Variants in GABRG1 observed in about 807,000 individuals in gnomAD.
GABRG1 encodes gamma-aminobutyric acid type A receptor subunit gamma1, also known as gamma-aminobutyric acid receptor subunit gamma-1.
A neutral mutation model predicts 49.8 loss-of-function variants in GABRG1; 49 were observed. The observed-to-expected ratio is 0.98, with a 90% CI of 0.78 to 1.25. GABRG1 has a LOEUF of 1.25. Among genes scored for constraint, GABRG1 ranks in the 50% most tolerant of loss-of-function variants. The pLI is 0.00. For synonymous variants in GABRG1, 232 were observed against 185.1 expected (o/e 1.25, Z -2.06); for missense variants, 552 against 552.3 (o/e 1.00, Z 0.01).
chr4:46,071,155 A>T (rs1719103878), intron 3 of GABRG1, among the ~76,000 whole-genome samples: 1 of 152,026 alleles, frequency 6.6e-6, no homozygotes, highest in African/African-American at 2.4e-5. Context: ...CCAGTTGTTT[A>T]AAAGTATAAT....
Position 46,079,119 on chromosome 4 carries a change from G to A in GABRG1, c.321+4867C>T, listed in dbSNP as rs1719469027. ...GAAAGCAATTCGATTTTCGTTTTCT[G>A]TTAAAAAAGATTCTGAAAATGGGCA... On this transcript the variant is annotated intron_variant, in intron 3 of 8. Coordinates refer to ENST00000295452, the MANE Select transcript of GABRG1 (RefSeq NM_173536.4). 2.0e-5 allele frequency among the ~76,000 whole-genome samples: 3 copies of A among 146,906 alleles called. No individual in the cohort carries two copies. In the Admixed American group the frequency reaches 2.0e-4, roughly 10 times the overall value.
intron 3 of GABRG1, among the ~76,000 whole-genome samples, chr4:46,073,548 T>G (rs1392304806): frequency 6.6e-6 from 1 of 152,040 alleles, no homozygotes; most frequent in Non-Finnish European, 1.5e-5. Flanking sequence ...CTGTGGGTTA[T>G]TTGGATGAAT....
At position 46,091,043 on chromosome 4, in the gene GABRG1, C is replaced by T. The variant is rs115471662; in HGVS notation, c.253+6158G>A. On this transcript the variant is annotated intron_variant, in intron 2 of 8. Coordinates refer to ENST00000295452, the MANE Select transcript of GABRG1 (RefSeq NM_173536.4). ...ATGGGATTTCCCCTCAAGGCATTTG[C>T]TGTTTCCTAAATTGTACGTATGTGA... Among the ~76,000 whole-genome samples, 261 of 151,476 alleles carry T rather than the reference C, an allele frequency of 1.7e-3. 1 individual carries two copies. The highest frequency in any genetic ancestry group is 6.2e-3 in the African/African-American group (255 of 41,316).
chr4:46,075,499 A>G (rs1269686271), intron 3 of GABRG1, among the ~76,000 whole-genome samples: 2 of 151,988 alleles, frequency 1.3e-5, no homozygotes, highest in African/African-American at 4.8e-5. Flanking sequence ...CCCAGCCAGC[A>G]TTTTCAAAAT....
Position 46,040,812 on chromosome 4 carries a change from T to TAGC in GABRG1, c.*173_*175dup, listed in dbSNP as rs1717741694. On this transcript the variant is annotated 3_prime_UTR_variant, in exon 9 of 9. Coordinates refer to ENST00000295452, the MANE Select transcript of GABRG1 (RefSeq NM_173536.4). The stretch of plus-strand genomic sequence containing the variant: ...TGCAACTAATCAGTTTCACGTAAAT[T>TAGC]AGCCTGAAAGCTGCTACTTTATTTA... 7.2e-6 allele frequency: 4 copies of TAGC among 553,080 alleles called. No homozygotes were observed. The highest frequency in any genetic ancestry group is 3.0e-6 in the Non-Finnish European group (1 of 335,452). The allele number at this position is 553,080 out of a possible 1,614,324, so 34.3% of individuals were successfully genotyped here.
intron 5 of GABRG1, among the ~76,000 whole-genome samples, chr4:46,058,859 C>G (rs1718559161): frequency 6.6e-6 from 1 of 152,016 alleles, no homozygotes; most frequent in African/African-American, 2.4e-5. Flanking sequence ...TGCTAACACA[C>G]AGAAAACCCA....
In GABRG1 at chr4:46,058,395, G is replaced by T. The variant is rs77939156; in HGVS notation, c.764-26C>A. 10,906 of 1,596,596 alleles carry T rather than the reference G, an allele frequency of 6.8e-3. 564 individuals carry two copies. The East Asian group carries it at 0.14, about 21-fold the overall frequency. On this transcript the variant is annotated intron_variant, in intron 6 of 8. Transcript: ENST00000295452. ...CTGTAAGAAAAAAAAGTTTTATTTT[G>T]GCTATATAATATAAATCACAATCCA...
intron 2 of GABRG1, among the ~76,000 whole-genome samples, chr4:46,087,770 A>G (rs2109425217): frequency 6.6e-6 from 1 of 152,068 alleles, no homozygotes. Flanking sequence ...AAAGATAGAT[A>G]CCAAGCTCGA....
At chr4:46,065,301 AT>A in intron 4 of GABRG1, 62 bp downstream of exon 4, 1 of 1,144,820 alleles carries the variant, frequency 8.7e-7, no homozygotes, top group Non-Finnish European at 1.2e-6. Context: ...AAAATTAAGA[AT>A]TGATTAAATA....
intron 8 of GABRG1, among the ~76,000 whole-genome samples, chr4:46,045,130 A>G (rs1324297921): frequency 1.3e-5 from 2 of 152,130 alleles, no homozygotes; most frequent in East Asian, 1.9e-4. Context: ...GTGAAAATGA[A>G]CAGCTGGAAT....
intron 1 of GABRG1, among the ~76,000 whole-genome samples, chr4:46,098,525 AAC>A (rs2109432173): frequency 6.6e-6 from 1 of 151,868 alleles, no homozygotes; most frequent in East Asian, 2.0e-4. Flanking sequence ...TTTGAATCTA[AAC>A]ACCTTAGCAA....
intron 3 of GABRG1, among the ~76,000 whole-genome samples, chr4:46,078,187 A>T (rs1213866861): frequency 6.6e-6 from 1 of 151,994 alleles, no homozygotes; most frequent in Non-Finnish European, 1.5e-5. Context: ...TTAAAAATAC[A>T]AATGTGTTTC....
intron 1 of GABRG1, among the ~76,000 whole-genome samples, chr4:46,119,662 C>T (rs1447389196): frequency 2.0e-5 from 3 of 151,446 alleles, no homozygotes; most frequent in African/African-American, 7.3e-5. Context: ...AGTTCTTCTT[C>T]CTTGATTATG....
chr4:46,060,825 T>C (rs1026506852), intron 5 of GABRG1, among the ~76,000 whole-genome samples: 7 of 152,160 alleles, frequency 4.6e-5, no homozygotes, highest in Non-Finnish European at 1.0e-4. Context: ...CAATAGAGGA[T>C]AGACATAGTA....
At chr4:46,072,191 C>T (rs1232195995) in intron 3 of GABRG1, among the ~76,000 whole-genome samples, 1 of 152,008 alleles carries the variant, frequency 6.6e-6, no homozygotes, top group Non-Finnish European at 1.5e-5. Context: ...AGGTTTGTAT[C>T]CTAGAAGCAT....
chr4:46,084,774 T>C (rs1226971073), intron 2 of GABRG1, among the ~76,000 whole-genome samples: 1 of 151,686 alleles, frequency 6.6e-6, no homozygotes, highest in Non-Finnish European at 1.5e-5. Context: ...CAATTCCATT[T>C]GCTAGCCATC....
At chr4:46,097,446 T>C in intron 1 of GABRG1, 97 bp from the exon 2 acceptor site, 1 of 1,188,214 alleles carries the variant, frequency 8.4e-7, no homozygotes, top group Non-Finnish European at 1.2e-6. Context: ...AAGAAAGTAA[T>C]AATGGCAGAC....
chr4:46,042,081 T>C (rs1717808875), intron 8 of GABRG1, among the ~76,000 whole-genome samples: 1 of 151,970 alleles, frequency 6.6e-6, no homozygotes, highest in Non-Finnish European at 1.5e-5. Context: ...TGTACAAAAA[T>C]GGCAATAAAA....
At chr4:46,116,537 A>G (rs1720892575) in intron 1 of GABRG1, among the ~76,000 whole-genome samples, 1 of 150,826 alleles carries the variant, frequency 6.6e-6, no homozygotes, top group Non-Finnish European at 1.5e-5. Context: ...AAAAGACCTT[A>G]AAAGTGGAAG....
Sources: gnomAD v4.1 joint callset for allele counts (sites outside exome capture counted in the v4.1 genomes callset) on GRCh38, gnomAD v4.1.1 for gene constraint, MANE v1.5 for transcripts, NCBI Gene and HGNC (gene_info 2026-07-23, HGNC 2026-07-21) for gene names.